GARIN1A: variants seen among roughly 807,000 people sequenced by gnomAD.
GARIN1A encodes golgi associated RAB2 interactor 1A, also known as Golgi-associated RAB2 interactor protein 1A.
chr7:128,697,019 TTTTG>T, the GARIN1A span, among the ~76,000 whole-genome samples: 5 of 152,282 alleles, frequency 3.3e-5, no homozygotes, highest in South Asian at 2.1e-4. Flanking sequence ...TGTGTGTGTG[TTTTG>T]TTTGTTTGTT....
At chr7:128,689,424 G>A in the GARIN1A span, among the ~76,000 whole-genome samples, 1 of 151,728 alleles carries the variant, frequency 6.6e-6, no homozygotes, top group Non-Finnish European at 1.5e-5. Flanking sequence ...GGGATGTGAG[G>A]AGCGCCTCTG....
chr7:128,680,058 C>A, the GARIN1A span: 5 of 1,576,970 alleles, frequency 3.2e-6, no homozygotes, highest in Admixed American at 5.5e-5. Flanking sequence ...GTCATCCCCC[C>A]AGCCCAGCGA....
the GARIN1A span, chr7:128,675,874 GAGGGCGGGA>G: frequency 6.4e-7 from 1 of 1,556,376 alleles, no homozygotes; most frequent in Non-Finnish European, 8.9e-7. Context: ...AGGCTTGAGG[GAGGGCGGGA>G]AGGGATGGAA....
the GARIN1A span, among the ~76,000 whole-genome samples, chr7:128,696,413 C>T: frequency 6.6e-6 from 1 of 152,186 alleles, no homozygotes; most frequent in Non-Finnish European, 1.5e-5. Flanking sequence ...GTCCCATAAT[C>T]TCTATGTCCT....
the GARIN1A span, chr7:128,684,951 G>T: frequency 0.019 from 2,953 of 151,616 alleles, 44 homozygotes; most frequent in South Asian, 0.049. Context: ...GCCTAGGCTG[G>T]AGTGCAGTGG....
chr7:128,700,287 T>G, the GARIN1A span, among the ~76,000 whole-genome samples: 40 of 150,904 alleles, frequency 2.7e-4, no homozygotes, highest in African/African-American at 9.0e-4. Flanking sequence ...GTATTTTGTT[T>G]TTTTTTTTTT....
chr7:128,704,429 C>T, the GARIN1A span, among the ~76,000 whole-genome samples: 136 of 152,096 alleles, frequency 8.9e-4, 3 homozygotes, highest in East Asian at 0.012. Flanking sequence ...CTGAGCCTCC[C>T]AAGTAGCTGG....
chr7:128,677,828 T>C, the GARIN1A span: 470,488 of 1,607,814 alleles, frequency 0.29, 71,119 homozygotes, highest in East Asian at 0.5. Flanking sequence ...GTGGGCCTCC[T>C]TCCGGGACCT....
At chr7:128,683,630 G>C in the GARIN1A span, 1 of 151,954 alleles carries the variant, frequency 6.6e-6, no homozygotes, top group African/African-American at 2.4e-5. Context: ...ACTACACCTG[G>C]CTAAGTTTTT....
At chr7:128,683,547 T>G in the GARIN1A span, 1 of 152,292 alleles carries the variant, frequency 6.6e-6, no homozygotes, top group East Asian at 1.9e-4. Flanking sequence ...CATGGCTCAC[T>G]GCAACCTCCA....
At chr7:128,673,239 C>T in the GARIN1A span, among the ~76,000 whole-genome samples, 1 of 152,162 alleles carries the variant, frequency 6.6e-6, no homozygotes, top group Non-Finnish European at 1.5e-5. Context: ...ATCAGAGTGT[C>T]CCTGGCCAGG....
the GARIN1A span, chr7:128,691,469 G>A: frequency 4.6e-5 from 7 of 152,184 alleles, no homozygotes; most frequent in African/African-American, 1.7e-4. Context: ...ATCTTGAATG[G>A]GGGCTGGGTA....
the GARIN1A span, among the ~76,000 whole-genome samples, chr7:128,699,213 T>TAATACAGA: frequency 6.8e-6 from 1 of 147,328 alleles, no homozygotes; most frequent in East Asian, 2.0e-4. Flanking sequence ...AAGATTCCAA[T>TAATACAGA]AATACAGAAC....
the GARIN1A span, chr7:128,683,086 A>G: frequency 1.2e-6 from 2 of 1,612,536 alleles, no homozygotes; most frequent in Non-Finnish European, 1.7e-6. Flanking sequence ...CTCTGGGAAC[A>G]AGAGGACTGG....
the GARIN1A span, among the ~76,000 whole-genome samples, chr7:128,677,028 T>A: frequency 6.6e-6 from 1 of 151,256 alleles, no homozygotes; most frequent in Non-Finnish European, 1.5e-5. Flanking sequence ...ACCAAAAAAA[T>A]TAGGTGGGTG....
the GARIN1A span, chr7:128,678,015 C>A: frequency 1.2e-5 from 2 of 164,580 alleles, no homozygotes; most frequent in East Asian, 1.3e-4. Context: ...AGAAATGTTT[C>A]TTTTTTTTTT....
At chr7:128,701,312 A>G in the GARIN1A span, among the ~76,000 whole-genome samples, 1 of 120,100 alleles carries the variant, frequency 8.3e-6, no homozygotes, top group Non-Finnish European at 1.8e-5. Context: ...ATAGAAGGGT[A>G]CATCTATAGG....
chr7:128,699,205 G>A, the GARIN1A span, among the ~76,000 whole-genome samples: 3 of 146,374 alleles, frequency 2.0e-5, no homozygotes, highest in Non-Finnish European at 3.0e-5. Context: ...TGTTCATAAA[G>A]ATTCCAATAA....
At chr7:128,679,500 A>G in the GARIN1A span, among the ~76,000 whole-genome samples, 1 of 151,976 alleles carries the variant, frequency 6.6e-6, no homozygotes, top group Non-Finnish European at 1.5e-5. Flanking sequence ...CTAAAATAAA[A>G]CTTTTTATAC....
Sources: gnomAD v4.1 joint callset for allele counts (sites outside exome capture counted in the v4.1 genomes callset) on GRCh38, gnomAD v4.1.1 for gene constraint, MANE v1.5 for transcripts, NCBI Gene and HGNC (gene_info 2026-07-23, HGNC 2026-07-21) for gene names.